SOCS7: variants seen among roughly 807,000 people sequenced by gnomAD.
The protein encoded by SOCS7 is suppressor of cytokine signaling 7, also known as NAP-4.
In SOCS7, 18 loss-of-function variants were observed where a neutral mutation model predicts 58.9. The observed-to-expected ratio is 0.31, with a 90% CI of 0.21 to 0.45. The LOEUF is 0.45. Among genes scored for constraint, SOCS7 ranks in the 20% least tolerant of loss-of-function variants. The probability of loss-of-function intolerance (pLI) is 1.00; values close to 1 mark genes in which losing one functional copy is unlikely to be tolerated. For synonymous variants in SOCS7, 388 were observed against 364.3 expected, an observed-to-expected ratio of 1.06 and a Z score of -0.74; for missense variants, 667 against 837.3, an observed-to-expected ratio of 0.80 and a Z score of 2.51.
chr17:38,392,569 A>G (rs964265027), intron 7 of SOCS7, among the ~76,000 whole-genome samples: 1 of 152,242 alleles, frequency 6.6e-6, no homozygotes, highest in Non-Finnish European at 1.5e-5. Context: ...AGTTAAATAT[A>G]TTCAGGTGAG....
intron 9 of SOCS7, 42 bp downstream of exon 9, chr17:38,396,040 G>T: frequency 6.6e-7 from 1 of 1,506,848 alleles, no homozygotes. Context: ...ATTTCTTCCT[G>T]GGCAGTCATC....
chr17:38,354,240 T>C (rs1441746549), intron 1 of SOCS7, among the ~76,000 whole-genome samples: 1 of 152,226 alleles, frequency 6.6e-6, no homozygotes, highest in Non-Finnish European at 1.5e-5. Flanking sequence ...GTTTACGTGA[T>C]GGATTCTTGA....
At chr17:38,362,385 G>T (rs996388292) in intron 2 of SOCS7, among the ~76,000 whole-genome samples, 1 of 152,180 alleles carries the variant, frequency 6.6e-6, no homozygotes, top group African/African-American at 2.4e-5. Context: ...TTCTCGTTTC[G>T]TAGGGAGCTT....
chr17:38,399,180 T>A (rs2038286754), intron 9 of SOCS7, among the ~76,000 whole-genome samples: 1 of 151,858 alleles, frequency 6.6e-6, no homozygotes, highest in Admixed American at 6.6e-5. Flanking sequence ...CCCTTTTCAG[T>A]CCCTAGAGCA....
rs530950035 is a variant in SOCS7 at position 38,397,804 on chromosome 17, A to T, written c.*31-1709A>T. Among the ~76,000 whole-genome samples, 5 of 152,326 alleles carry T rather than the reference A, an allele frequency of 3.3e-5. No homozygotes were observed. The South Asian group carries it at 1.0e-3, about 32-fold the overall frequency. On this transcript the variant is annotated intron_variant, in intron 9 of 9. Transcript: ENST00000612932. ...TAAATGAATGGGCTAATTTCAGGTG[A>T]CTGTACAGTGTTGTGAGGAAAGTAA... is the stretch of plus-strand genomic sequence containing the variant.
chr17:38,365,971 G>C, intron 4 of SOCS7: 1 of 1,093,336 alleles, frequency 9.1e-7, no homozygotes. Context: ...ACTTCACTTC[G>C]AGGTGGGAGA....
chr17:38,377,995 C>T (rs2037953581), intron 7 of SOCS7, among the ~76,000 whole-genome samples, 153 bp downstream of exon 7: 1 of 152,176 alleles, frequency 6.6e-6, no homozygotes, highest in African/African-American at 2.4e-5. Flanking sequence ...TGGTTAATCC[C>T]CTGCCTTTGT....
intron 1 of SOCS7, among the ~76,000 whole-genome samples, chr17:38,357,360 C>G (rs901199399): frequency 1.3e-5 from 2 of 152,024 alleles, no homozygotes; most frequent in African/African-American, 2.4e-5. Flanking sequence ...ACTATTTTTT[C>G]CATGAAGTGG....
chr17:38,360,408 G>C (rs890549594), intron 1 of SOCS7, among the ~76,000 whole-genome samples: 2 of 151,844 alleles, frequency 1.3e-5, no homozygotes, highest in Admixed American at 6.6e-5. Flanking sequence ...TGCCAGGCTG[G>C]TCTCGGGCTC....
intron 2 of SOCS7, among the ~76,000 whole-genome samples, chr17:38,362,047 C>T (rs996032279): frequency 6.6e-6 from 1 of 152,136 alleles, no homozygotes; most frequent in Non-Finnish European, 1.5e-5. Context: ...AGTTCAGGGT[C>T]ATCACATATA....
At chr17:38,372,448 T>C (rs143096292) in intron 6 of SOCS7, among the ~76,000 whole-genome samples, 7 of 152,382 alleles carry the variant, frequency 4.6e-5, no homozygotes, top group African/African-American at 1.4e-4. Context: ...TAATATTTCA[T>C]AGCCAACTAA....
chr17:38,373,020 C>A (rs1390675075), intron 6 of SOCS7, among the ~76,000 whole-genome samples: 1 of 151,660 alleles, frequency 6.6e-6, no homozygotes, highest in African/African-American at 2.4e-5. Context: ...GCAGGAGAAT[C>A]GATTGAACCT....
intron 6 of SOCS7, among the ~76,000 whole-genome samples, chr17:38,376,175 C>T (rs1293469826): frequency 6.6e-6 from 1 of 152,104 alleles, no homozygotes. Context: ...CCAAGTATTC[C>T]AGCTCAGGAT....
chr17:38,393,533 A>G (rs922430559), intron 7 of SOCS7, among the ~76,000 whole-genome samples: 2 of 151,926 alleles, frequency 1.3e-5, no homozygotes, highest in Non-Finnish European at 2.9e-5. Flanking sequence ...GCTACTCGAG[A>G]GGCTAAGGCA....
chr17:38,362,875 T>A (rs1222132476), intron 2 of SOCS7, among the ~76,000 whole-genome samples: 1 of 151,976 alleles, frequency 6.6e-6, no homozygotes, highest in Non-Finnish European at 1.5e-5. Flanking sequence ...CTTTGGGAGG[T>A]TGAAGTGAGC....
Position 38,405,217 on chromosome 17 carries a change from G to T in SOCS7, c.*5735G>T, listed in dbSNP as rs1463743664. 6.6e-6 allele frequency: 1 copy of T among 151,968 alleles called. No homozygotes were observed. The highest frequency in any genetic ancestry group is 2.4e-5 in the African/African-American group (1 of 41,368). 9.4% of individuals were successfully genotyped at this position (151,968 alleles called of 1,614,324 possible). ...GACTTGCAGGCCAATCTTAAATGGG[G>T]TGGGAGGGGTCTGAGGGTGGGATGG... On this transcript the variant is annotated 3_prime_UTR_variant, in exon 10 of 10. Coordinates refer to ENST00000612932, the MANE Select transcript of SOCS7 (RefSeq NM_014598.4).
intron 5 of SOCS7, 131 bp downstream of exon 5, chr17:38,366,548 G>A: frequency 1.8e-6 from 2 of 1,116,764 alleles, no homozygotes; most frequent in South Asian, 1.5e-5. Context: ...AGGCTAGGGT[G>A]TGGTGGCATA....
intron 7 of SOCS7, among the ~76,000 whole-genome samples, chr17:38,382,888 G>T (rs1304490568): frequency 6.6e-6 from 1 of 152,098 alleles, no homozygotes; most frequent in Non-Finnish European, 1.5e-5. Flanking sequence ...GTTTACCAGG[G>T]TTTCTCAGCT....
At chr17:38,355,434 C>T (rs1048924660) in intron 1 of SOCS7, among the ~76,000 whole-genome samples, 1 of 152,214 alleles carries the variant, frequency 6.6e-6, no homozygotes, top group Non-Finnish European at 1.5e-5. Context: ...GCCAGTCTTG[C>T]TGGCAGCCTC....
Sources: allele counts gnomAD v4.1 joint callset (sites outside exome capture counted in the v4.1 genomes callset), GRCh38; gene constraint gnomAD v4.1.1; transcripts MANE v1.5; gene names NCBI Gene and HGNC (gene_info 2026-07-23, HGNC 2026-07-21).